Variants in CAMK2D observed in about 807,000 individuals in gnomAD.
CAMK2D encodes calcium/calmodulin-dependent protein kinase type II subunit delta.
Under a neutral mutation model 84.0 loss-of-function variants are expected in CAMK2D, and 37 were observed. The ratio of observed to expected loss-of-function variants is 0.44; its 90% confidence interval spans 0.34 to 0.58. CAMK2D has a LOEUF of 0.58. CAMK2D is among the 20% of genes least tolerant of loss of function. The pLI, the probability that CAMK2D is intolerant of heterozygous loss-of-function variation, is 0.02. For missense variants in CAMK2D, 448 were observed against 652.5 expected, an observed-to-expected ratio of 0.69 and a Z score of 3.41; for synonymous variants, 202 against 212.5, an observed-to-expected ratio of 0.95 and a Z score of 0.43.
In CAMK2D at chr4:113,482,166, G is replaced by A. The variant is rs139318368; in HGVS notation, c.1136-16562C>T. ...CTCTATTCTCTGTTGAGAATAGACTGTAAGCAGAAGCAGGTCAATGGCTAA... is the reference window on the plus strand; with the variant it reads ...CTCTATTCTCTGTTGAGAATAGACTATAAGCAGAAGCAGGTCAATGGCTAA... On this transcript the variant is annotated intron_variant, in intron 16 of 20. Transcript: ENST00000511664. Among the ~76,000 whole-genome samples the A allele has an allele frequency of 3.6e-3, 545 of 152,304 alleles. 9 individuals carry two copies. Among genetic ancestry groups the A allele is most frequent in the African/African-American group, 0.012 (515 of 41,576 alleles).
intron 17 of CAMK2D, among the ~76,000 whole-genome samples, chr4:113,462,322 GTCTGTCTGTCTGTCTGTCTATCTATCTA>G (rs2097395361): frequency 5.7e-5 from 7 of 123,430 alleles, no homozygotes; most frequent in Admixed American, 2.4e-4. Flanking sequence ...CTGTCTGTCT[GTCTGTCTGTCTGTCTGTCTATCTATCTA>G]TCTATCTATC....
chr4:113,493,999 C>G (rs985685674), intron 16 of CAMK2D, among the ~76,000 whole-genome samples: 3 of 152,124 alleles, frequency 2.0e-5, no homozygotes, highest in Non-Finnish European at 4.4e-5. Flanking sequence ...TCCATCAGCT[C>G]CTTTAAGCAC....
At chr4:113,580,653 T>C (rs2098803782) in intron 4 of CAMK2D, among the ~76,000 whole-genome samples, 1 of 152,134 alleles carries the variant, frequency 6.6e-6, no homozygotes, top group African/African-American at 2.4e-5. Flanking sequence ...GTGTAAAAAC[T>C]TACTACCATA....
At chr4:113,727,801 A>T (rs775181510) in intron 2 of CAMK2D, among the ~76,000 whole-genome samples, 15 of 152,042 alleles carry the variant, frequency 9.9e-5, no homozygotes, top group Non-Finnish European at 1.6e-4. Context: ...TATACAAAGA[A>T]TTCTTAGAAA....
At chr4:113,511,464 C>T (rs1398000056) in intron 12 of CAMK2D, among the ~76,000 whole-genome samples, 1 of 152,070 alleles carries the variant, frequency 6.6e-6, no homozygotes, top group African/African-American at 2.4e-5. Flanking sequence ...CCAATTTATG[C>T]CCAAGAGTGT....
intron 2 of CAMK2D, among the ~76,000 whole-genome samples, chr4:113,729,297 C>T (rs1008183715): frequency 2.0e-5 from 3 of 152,098 alleles, no homozygotes; most frequent in Non-Finnish European, 4.4e-5. Flanking sequence ...TTTGGCTGAC[C>T]ATGCTCTCTT....
Position 113,552,018 on chromosome 4 carries a change from G to A in CAMK2D, c.341+13C>T. The A allele has an allele frequency of 2.1e-6, 3 of 1,447,238 alleles. No individual in the cohort carries two copies. Among genetic ancestry groups the A allele is most frequent in the African/African-American group, 1.4e-5 (1 of 70,924 alleles). The allele number at this position is 1,447,238 out of a possible 1,614,324, so 89.6% of individuals were successfully genotyped here. ...TGTTGAGTCTTGTATCTTGCCCAGG[G>A]CAAGTCACTTACCTGGCATCAGCTT... On this transcript the variant is annotated intron_variant, in intron 5 of 20. Transcript: ENST00000511664.
chr4:113,609,251 A>G (rs756629229), intron 3 of CAMK2D, 45 bp from the exon 4 acceptor site: 4 of 993,842 alleles, frequency 4.0e-6, no homozygotes, highest in Non-Finnish European at 6.5e-6. Context: ...ACCTATTCCA[A>G]CGATCAACGT....
At chr4:113,481,993 T>C (rs2097706520) in intron 16 of CAMK2D, among the ~76,000 whole-genome samples, 2 of 152,172 alleles carry the variant, frequency 1.3e-5, no homozygotes. Flanking sequence ...CATATAATAA[T>C]AGGACATTAA....
chr4:113,461,714 G>A (rs2154106436), intron 17 of CAMK2D, among the ~76,000 whole-genome samples: 1 of 152,286 alleles, frequency 6.6e-6, no homozygotes, highest in East Asian at 1.9e-4. Context: ...ATTTTGGACT[G>A]TTTATTAATT....
intron 3 of CAMK2D, among the ~76,000 whole-genome samples, chr4:113,623,403 C>CA (rs1491384563): frequency 3.3e-5 from 5 of 151,540 alleles, no homozygotes; most frequent in African/African-American, 1.2e-4. Context: ...CACACACACA[C>CA]CCACACAGAC....
intron 15 of CAMK2D, among the ~76,000 whole-genome samples, chr4:113,501,043 G>A (rs570931872): frequency 1.3e-5 from 2 of 152,202 alleles, no homozygotes; most frequent in East Asian, 1.9e-4. Context: ...AGGGGGTTAA[G>A]CTGAGATATG....
intron 4 of CAMK2D, among the ~76,000 whole-genome samples, chr4:113,595,419 A>C (rs2154254674): frequency 6.7e-6 from 1 of 149,344 alleles, no homozygotes; most frequent in South Asian, 2.1e-4. Flanking sequence ...TAATAGCAAC[A>C]ATTTATTCAA....
chr4:113,609,689 T>C lies in CAMK2D; in HGVS notation c.221-483A>G, dbSNP rs139496904. Among the ~76,000 whole-genome samples, 234 of 152,300 alleles carry C rather than the reference T, an allele frequency of 1.5e-3. 2 individuals are homozygous for C. The highest frequency in any genetic ancestry group is 0.015 in the South Asian group (74 of 4,826). The stretch of plus-strand genomic sequence containing the variant: ...ACAGTAAGAGGAATGATTCCAAGTC[T>C]AGGAAATGGTTTCCCTGTGTTCTCC... On this transcript the variant is annotated intron_variant, in intron 3 of 20. Coordinates refer to ENST00000511664, the MANE Select transcript of CAMK2D (RefSeq NM_001321571.2).
chr4:113,664,676 T>A (rs1224831123), intron 2 of CAMK2D, among the ~76,000 whole-genome samples: 1 of 152,156 alleles, frequency 6.6e-6, no homozygotes, highest in African/African-American at 2.4e-5. Flanking sequence ...AGAAGTGATA[T>A]CCCATCATGT....
intron 11 of CAMK2D, 46 bp downstream of exon 11, chr4:113,513,784 T>C (rs2098249816): frequency 1.2e-6 from 1 of 858,850 alleles, no homozygotes. Context: ...ATTTCACTTC[T>C]TAGTCTGTCA....
chr4:113,726,421 C>G (rs554569468), intron 2 of CAMK2D, among the ~76,000 whole-genome samples: 2 of 114,224 alleles, frequency 1.8e-5, no homozygotes, highest in African/African-American at 6.7e-5. Flanking sequence ...CACTCTGTTA[C>G]TCAGGCTGGG....
chr4:113,516,461 G>A (rs1022704456), intron 9 of CAMK2D, among the ~76,000 whole-genome samples: 23 of 152,126 alleles, frequency 1.5e-4, no homozygotes, highest in African/African-American at 5.3e-4. Flanking sequence ...TCAGGGCTAC[G>A]TCTGCCCAGA....
At chr4:113,604,387 C>G (rs1006681748) in intron 4 of CAMK2D, among the ~76,000 whole-genome samples, 1 of 152,146 alleles carries the variant, frequency 6.6e-6, no homozygotes, top group African/African-American at 2.4e-5. Context: ...GTTATGCTCT[C>G]TTTTCAGTCA....
Sources: gnomAD v4.1 joint callset for allele counts (sites outside exome capture counted in the v4.1 genomes callset) on GRCh38, gnomAD v4.1.1 for gene constraint, MANE v1.5 for transcripts, NCBI Gene and HGNC (gene_info 2026-07-23, HGNC 2026-07-21) for gene names.